RAI1: variants seen among roughly 807,000 people sequenced by gnomAD.
RAI1 encodes the protein retinoic acid induced 1.
In RAI1, 9 loss-of-function variants were observed where a neutral mutation model predicts 123.8. The ratio of observed to expected loss-of-function variants is 0.07; its 90% CI spans 0.04 to 0.13. The LOEUF is 0.13. Among genes scored for constraint, RAI1 ranks in the 10% least tolerant of loss-of-function variants. RAI1 has a pLI of 1.00. For synonymous variants in RAI1, 1,231 were observed against 1,127.3 expected (o/e 1.09, Z -1.84); for missense variants, 2,256 against 2,545.8 (o/e 0.89, Z 2.45).
intron 2 of RAI1, among the ~76,000 whole-genome samples, chr17:17,764,956 TA>T (rs1457620534): frequency 6.6e-6 from 1 of 152,234 alleles, no homozygotes; most frequent in East Asian, 1.9e-4. Flanking sequence ...CATTATTGTG[TA>T]GTATTCTATT....
At chr17:17,748,273 G>A (rs1008000005) in intron 2 of RAI1, among the ~76,000 whole-genome samples, 6 of 152,228 alleles carry the variant, frequency 3.9e-5, no homozygotes, top group African/African-American at 1.4e-4. Flanking sequence ...TGTTGTCCCA[G>A]GTAGTGCCAT....
At chr17:17,684,880 T>A (rs1234334643) in intron 1 of RAI1, 6 of 152,070 alleles carry the variant, frequency 3.9e-5, no homozygotes, top group Admixed American at 1.3e-4. Flanking sequence ...GACTCCTGGC[T>A]CCACCACATA....
In RAI1 at chr17:17,797,446, A is replaced by G; in HGVS notation, c.4498A>G (p.Lys1500Glu). The G allele has an allele frequency of 6.2e-7, 1 of 1,613,364 alleles. No individual in the cohort carries two copies. The highest frequency in any genetic ancestry group is 8.5e-7 in the Non-Finnish European group (1 of 1,179,924). ...DNSGGGGKKP[K>E]MEELGLASQP... ...CTCTGGTGGAGGAGGCAAGAAGCCAAAGATGGAGGAGCTGGGCCTGGCCTC... is the reference window on the plus strand; with the variant it reads ...CTCTGGTGGAGGAGGCAAGAAGCCAGAGATGGAGGAGCTGGGCCTGGCCTC... Residue 1500 changes from lysine (K) to glutamate (E), a missense_variant, in exon 3 of 6, where the codon AAG becomes GAG. Coordinates refer to ENST00000353383, the MANE Select transcript of RAI1 (RefSeq NM_030665.4).
At chr17:17,804,044 C>T (rs1256275876) in intron 4 of RAI1, 195 bp downstream of exon 4, 2 of 696,944 alleles carry the variant, frequency 2.9e-6, no homozygotes, top group South Asian at 1.5e-5. Context: ...GGAAATGAGG[C>T]ATTCCCCAGG....
intron 2 of RAI1, among the ~76,000 whole-genome samples, chr17:17,740,688 G>C (rs1298611835): frequency 6.6e-6 from 1 of 152,156 alleles, no homozygotes; most frequent in African/African-American, 2.4e-5. Context: ...CTGGACTTCA[G>C]CTTTCAGGGA....
In RAI1 at chr17:17,811,153, C is replaced by A; in HGVS notation, c.*1172C>A. The A allele has an allele frequency of 3.5e-6, 1 of 286,314 alleles. No individual in the cohort carries two copies. The highest frequency in any genetic ancestry group is 6.9e-6 in the Non-Finnish European group (1 of 145,086). The allele number at this position is 286,314 out of a possible 1,614,324, so 17.7% of individuals were successfully genotyped here. On this transcript the variant is annotated 3_prime_UTR_variant, in exon 6 of 6. Transcript: ENST00000353383. ...TCGATAGGCCTGACGCAGCCCCCAG[C>A]CCAGGGCCGCCCTAGCAACTTCCTG...
chr17:17,740,495 A>C (rs1916588007), intron 2 of RAI1, among the ~76,000 whole-genome samples: 1 of 152,226 alleles, frequency 6.6e-6, no homozygotes. Context: ...CCAGGTGGGA[A>C]AGAGGCCTGA....
rs1390902237 is a variant in RAI1 at position 17,809,305 on chromosome 17, G to A, written c.5660-85G>A. 2.5e-6 allele frequency: 3 copies of A among 1,211,756 alleles called. No individual in the cohort carries two copies. Among genetic ancestry groups the A allele is most frequent in the Non-Finnish European group, 3.7e-6 (3 of 814,620 alleles). The allele number at this position is 1,211,756 out of a possible 1,614,324, so 75.1% of individuals were successfully genotyped here. On this transcript the variant is annotated intron_variant, in intron 4 of 5. Coordinates refer to ENST00000353383, the MANE Select transcript of RAI1 (RefSeq NM_030665.4). The surrounding 1 kb of genome is among the most constrained non-coding windows in gnomAD (Gnocchi z 4.9). The stretch of plus-strand genomic sequence containing the variant: ...CAGTCTGGAGCCTCGCGGGCAGTGC[G>A]GCTCCCCTCCTGGCTGCAGACAAAA...
chr17:17,809,547 A>C lies in RAI1; in HGVS notation c.5709+108A>C. 7.9e-7 allele frequency: 1 copy of C among 1,259,684 alleles called. No homozygotes were observed. Among genetic ancestry groups the C allele is most frequent in the Non-Finnish European group, 1.1e-6 (1 of 870,822 alleles). The allele number at this position is 1,259,684 out of a possible 1,614,324, so 78.0% of individuals were successfully genotyped here. On this transcript the variant is annotated intron_variant, in intron 5 of 5. Transcript: ENST00000353383. The surrounding 1 kb of genome is among the most constrained non-coding windows in gnomAD (Gnocchi z 4.9). ...GGCCCCCTTGGCTGCGCAGCCCCGC[A>C]GGGCCCAGCCCTAGGGGAGGGAGCT...
intron 2 of RAI1, among the ~76,000 whole-genome samples, chr17:17,779,997 G>C (rs1290310519): frequency 6.7e-6 from 1 of 149,852 alleles, no homozygotes; most frequent in East Asian, 2.0e-4. Context: ...GGATGGTCTC[G>C]ATCTCCTGAC....
chr17:17,810,365 C>T lies in RAI1; in HGVS notation c.*384C>T. 3.3e-6 allele frequency: 1 copy of T among 302,444 alleles called. No homozygotes were observed. The allele number at this position is 302,444 out of a possible 1,614,324, so 18.7% of individuals were successfully genotyped here. Reference sequence around the variant, plus strand: ...CCTCTGGAATCTCAAGACGACGTGGCACACATTCCACGTGGGTGCTGCCGC... The same window carrying T: ...CCTCTGGAATCTCAAGACGACGTGGTACACATTCCACGTGGGTGCTGCCGC... On this transcript the variant is annotated 3_prime_UTR_variant, in exon 6 of 6. Coordinates refer to ENST00000353383, the MANE Select transcript of RAI1 (RefSeq NM_030665.4). The surrounding 1 kb of genome is among the most constrained non-coding windows in gnomAD (Gnocchi z 4.6).
At chr17:17,734,321 G>A (rs1916356998) in intron 2 of RAI1, among the ~76,000 whole-genome samples, 1 of 151,918 alleles carries the variant, frequency 6.6e-6, no homozygotes, top group African/African-American at 2.4e-5. Flanking sequence ...GTGGGTGCCT[G>A]TGGTCCCAGC....
At chr17:17,749,157 C>T (rs1376947498) in intron 2 of RAI1, among the ~76,000 whole-genome samples, 1 of 152,244 alleles carries the variant, frequency 6.6e-6, no homozygotes, top group African/African-American at 2.4e-5. Flanking sequence ...AGAGAGTTCC[C>T]GCTCTTAGCA....
At chr17:17,700,288 CCT>C in intron 1 of RAI1, among the ~76,000 whole-genome samples, 1 of 152,274 alleles carries the variant, frequency 6.6e-6, no homozygotes, top group African/African-American at 2.4e-5. Context: ...GCCTGGAACC[CCT>C]GAGACGAGGT....
Position 17,797,636 on chromosome 17 carries a change from A to C in RAI1, c.4688A>C (p.Gln1563Pro). ...GGGCGTGCCAAGCGACGACGACAGC[A>C]GCAGGTGCTGCCCCTGGATCCCGCA... ...CKGRAKRRRQ[Q>P]QVLPLDPAEP... Residue 1563 changes from glutamine (Q) to proline (P), a missense_variant, in exon 3 of 6, where the codon CAG becomes CCG. Transcript: ENST00000353383. 6.2e-7 allele frequency: 1 copy of C among 1,613,914 alleles called. No homozygotes were observed. Among genetic ancestry groups the C allele is most frequent in the African/African-American group, 1.3e-5 (1 of 75,066 alleles).
At chr17:17,733,662 C>G (rs766922131) in intron 2 of RAI1, among the ~76,000 whole-genome samples, 1 of 152,180 alleles carries the variant, frequency 6.6e-6, no homozygotes, top group African/African-American at 2.4e-5. Flanking sequence ...GTCCAGTGCT[C>G]GTTCTCTCTA....
intron 2 of RAI1, among the ~76,000 whole-genome samples, chr17:17,762,172 G>A (rs1038689543): frequency 3.9e-5 from 6 of 152,180 alleles, no homozygotes; most frequent in African/African-American, 9.7e-5. Flanking sequence ...ATAAATATAC[G>A]AGGGAGGTGA....
chr17:17,756,990 G>A (rs767233372), intron 2 of RAI1, among the ~76,000 whole-genome samples: 1 of 152,196 alleles, frequency 6.6e-6, no homozygotes, highest in Non-Finnish European at 1.5e-5. Context: ...GCCCCCAGAG[G>A]GTGCTGAATG....
chr17:17,719,818 C>T (rs1270096009), intron 1 of RAI1, among the ~76,000 whole-genome samples: 1 of 152,148 alleles, frequency 6.6e-6, no homozygotes, highest in Non-Finnish European at 1.5e-5. Context: ...CCTCAGTGAT[C>T]CAGTCTCTCA....
Sources: allele counts gnomAD v4.1 joint callset (sites outside exome capture counted in the v4.1 genomes callset), GRCh38; gene constraint gnomAD v4.1.1; non-coding constraint Gnocchi (gnomAD v3.1); transcripts MANE v1.5; gene names NCBI Gene and HGNC (gene_info 2026-07-23, HGNC 2026-07-21).